The following STRN variants were observed in gnomAD, a reference collection of about 807,000 sequenced individuals.
The protein encoded by STRN is striatin.
STRN carries 53 observed loss-of-function variants against 96.3 expected under a neutral mutation model. The ratio of observed to expected loss-of-function variants is 0.55; its 90% confidence interval spans 0.44 to 0.69. The LOEUF (loss-of-function observed/expected upper bound fraction) is 0.69, where lower values mean the gene tolerates loss of function less well. Among genes scored for constraint, STRN ranks in the 30% least tolerant of loss-of-function variants. The pLI, the probability that STRN is intolerant of heterozygous loss-of-function variation, is 0.00. For missense variants in STRN, 987 were observed against 963.9 expected (o/e 1.02, Z -0.32); for synonymous variants, 428 against 355.9 (o/e 1.20, Z -2.28).
intron 7 of STRN, among the ~76,000 whole-genome samples, chr2:36,888,667 G>GTGTGTGTGTGTGTGTGTGTT (rs1343305681): frequency 1.1e-4 from 17 of 150,714 alleles, no homozygotes; most frequent in Middle Eastern, 6.8e-3. Context: ...GTGTGTGTGT[G>GTGTGTGTGTGTGTGTGTGTT]TGTGCATTTA....
At chr2:36,850,917 C>A in intron 16 of STRN, 83 bp downstream of exon 16, 1 of 1,111,084 alleles carries the variant, frequency 9.0e-7, no homozygotes, top group Non-Finnish European at 1.3e-6. Context: ...ACGAAACCAC[C>A]AAGAGACACC....
chr2:36,933,755 C>T (rs572864636), intron 1 of STRN, among the ~76,000 whole-genome samples: 1 of 152,270 alleles, frequency 6.6e-6, no homozygotes, highest in South Asian at 2.1e-4. Context: ...CAGGTGTGTG[C>T]TGCCATGCCC....
chr2:36,875,141 C>G (rs376265277), intron 10 of STRN, among the ~76,000 whole-genome samples: 2 of 152,064 alleles, frequency 1.3e-5, no homozygotes, highest in East Asian at 1.9e-4. Context: ...GTGATACTCT[C>G]TAGGGTACCC....
At position 36,916,060 on chromosome 2, in the gene STRN, C is replaced by A; in HGVS notation, c.412+18G>T. On this transcript the variant is annotated intron_variant, in intron 3 of 17. Transcript: ENST00000263918. ...TAACTTCTTTTTAACACTTAAACTT[C>A]CATTAAAATTAGCTTACCAGAATCA... 1 of 1,599,870 alleles carries A rather than the reference C, an allele frequency of 6.3e-7. No individual in the cohort carries two copies. Among genetic ancestry groups the A allele is most frequent in the Non-Finnish European group, 8.6e-7 (1 of 1,168,848 alleles).
At chr2:36,873,860 T>A (rs555357162) in intron 10 of STRN, among the ~76,000 whole-genome samples, 1 of 149,990 alleles carries the variant, frequency 6.7e-6, no homozygotes, top group Admixed American at 6.6e-5. Flanking sequence ...GGAGAATTGC[T>A]TGAACCTGGG....
At chr2:36,926,220 G>C (rs928411481) in intron 1 of STRN, among the ~76,000 whole-genome samples, 3 of 152,134 alleles carry the variant, frequency 2.0e-5, no homozygotes, top group Admixed American at 6.6e-5. Context: ...GGAAAGAGTA[G>C]CTCTCCAGAA....
At chr2:36,881,510 A>G (rs1669069738) in intron 9 of STRN, among the ~76,000 whole-genome samples, 1 of 152,230 alleles carries the variant, frequency 6.6e-6, no homozygotes, top group South Asian at 2.1e-4. Context: ...TTCTTTCTGA[A>G]AGTGGACTGA....
chr2:36,867,974 C>T, intron 11 of STRN, 113 bp from the exon 12 acceptor site: 1 of 672,562 alleles, frequency 1.5e-6, no homozygotes, highest in South Asian at 3.0e-5. Flanking sequence ...ATACCATTCT[C>T]AACTACACGA....
chr2:36,857,338 T>A (rs1367000166), intron 14 of STRN, among the ~76,000 whole-genome samples: 1 of 152,166 alleles, frequency 6.6e-6, no homozygotes, highest in East Asian at 1.9e-4. Context: ...CTTAATTTTT[T>A]AAAATCTAAA....
intron 2 of STRN, among the ~76,000 whole-genome samples, chr2:36,923,812 A>G (rs1670327856): frequency 6.6e-6 from 1 of 152,180 alleles, no homozygotes; most frequent in Non-Finnish European, 1.5e-5. Context: ...GATAATTCCA[A>G]TATCACCTAT....
chr2:36,925,182 T>A lies in STRN; in HGVS notation c.261A>T (p.Glu87Asp). ...LQAQIAFLQG[E>D]RKGQENLKKD... is the part of the protein sequence containing the mutation. ...TCTTCAAATTTTCTTGGCCCTTCCT[T>A]TCTCCCTGCAGGAAGGCAATCTGGG... The change falls in exon 2 of 18, where the codon GAA (glutamate) becomes GAT (aspartate). Residue 87 changes from glutamate (E) to aspartate (D), a missense_variant. Transcript: ENST00000263918. 1 of 1,613,962 alleles carries A rather than the reference T, an allele frequency of 6.2e-7. No individual in the cohort carries two copies. Among genetic ancestry groups the A allele is most frequent in the South Asian group, 1.1e-5 (1 of 91,074 alleles).
chr2:36,895,947 G>A (rs1669531083), intron 6 of STRN, among the ~76,000 whole-genome samples: 1 of 151,710 alleles, frequency 6.6e-6, no homozygotes, highest in African/African-American at 2.4e-5. Flanking sequence ...AAAAACAGGT[G>A]TATCTGAAGA....
intron 1 of STRN, among the ~76,000 whole-genome samples, chr2:36,943,173 G>A (rs1489748675): frequency 2.0e-5 from 3 of 151,874 alleles, no homozygotes; most frequent in African/African-American, 4.8e-5. Flanking sequence ...TAGTAAAAAT[G>A]TAACATAGAA....
intron 1 of STRN, among the ~76,000 whole-genome samples, chr2:36,939,608 C>A (rs1253084410): frequency 6.6e-6 from 1 of 151,856 alleles, no homozygotes; most frequent in African/African-American, 2.4e-5. Flanking sequence ...GTCCCAAACT[C>A]CTGAGCTCAA....
In STRN at chr2:36,884,088, AG is replaced by A. The variant is rs747455162; in HGVS notation, c.1043-14del. 125 of 1,316,386 alleles carry A rather than the reference AG, an allele frequency of 9.5e-5. No homozygotes were observed. The highest frequency in any genetic ancestry group is 1.5e-4 in the Admixed American group (5 of 33,190). The allele number at this position is 1,316,386 out of a possible 1,614,324, so 81.5% of individuals were successfully genotyped here. A position where few individuals can be genotyped will look rare whatever the true frequency, so the allele number is the denominator to read the frequency against. On this transcript the variant is annotated splice_polypyrimidine_tract_variant and intron_variant, in intron 8 of 17. Coordinates refer to ENST00000263918, the MANE Select transcript of STRN (RefSeq NM_003162.4). ...GACCTATTGGGCCCTAGCCAAAAAAAGGGGGGGTGGGAGGAGATAAAAAAGA... is the reference window on the plus strand; with the variant it reads ...GACCTATTGGGCCCTAGCCAAAAAAAGGGGGGTGGGAGGAGATAAAAAAGA...
At chr2:36,861,351 AT>A in intron 12 of STRN, 98 bp from the exon 13 acceptor site, 1 of 1,452,568 alleles carries the variant, frequency 6.9e-7, no homozygotes, top group East Asian at 2.4e-5. Flanking sequence ...CCAAATGGCT[AT>A]TTTTCTGCTT....
intron 15 of STRN, among the ~76,000 whole-genome samples, chr2:36,851,841 T>C (rs1441259757): frequency 6.6e-6 from 1 of 152,214 alleles, no homozygotes; most frequent in African/African-American, 2.4e-5. Flanking sequence ...AAAGAGGGCT[T>C]CTTAATCCTT....
intron 7 of STRN, 49 bp downstream of exon 7, chr2:36,893,849 T>G (rs1669467514): frequency 6.5e-7 from 1 of 1,544,822 alleles, no homozygotes; most frequent in Non-Finnish European, 8.7e-7. Context: ...AAATATTAAT[T>G]TCTTTTATTT....
chr2:36,943,007 T>A (rs1670884391), intron 1 of STRN, among the ~76,000 whole-genome samples: 1 of 152,112 alleles, frequency 6.6e-6, no homozygotes, highest in East Asian at 1.9e-4. Context: ...TTTATTTTTT[T>A]AATTAATAGA....
Sources: allele counts gnomAD v4.1 joint callset (sites outside exome capture counted in the v4.1 genomes callset), GRCh38; gene constraint gnomAD v4.1.1; transcripts MANE v1.5; gene names NCBI Gene and HGNC (gene_info 2026-07-23, HGNC 2026-07-21).